DIAPH3: variants seen among roughly 807,000 people sequenced by gnomAD.
DIAPH3 encodes the protein diaphanous related formin 3.
Under a neutral mutation model 144.3 loss-of-function variants are expected in DIAPH3, and 117 were observed. The ratio of observed to expected loss-of-function variants is 0.81; its 90% CI spans 0.70 to 0.95. The LOEUF (loss-of-function observed/expected upper bound fraction) is 0.95, where lower values mean the gene tolerates loss of function less well. DIAPH3 is among the 40% of genes least tolerant of loss of function. The probability of loss-of-function intolerance (pLI) is 0.00; values close to 1 mark genes in which losing one functional copy is unlikely to be tolerated. For synonymous variants in DIAPH3, 519 were observed against 488.9 expected, an observed-to-expected ratio of 1.06 and a Z score of -0.81; for missense variants, 1,421 against 1,412.7, an observed-to-expected ratio of 1.01 and a Z score of -0.09.
intron 27 of DIAPH3, among the ~76,000 whole-genome samples, chr13:59,720,674 GTATGTGCCTGACAGTTATCTA>G (rs754396301): frequency 2.4e-4 from 37 of 152,252 alleles, no homozygotes; most frequent in South Asian, 2.1e-3. Context: ...GCTGTCCTCT[GTATGTGCCTGACAGTTATCTA>G]TAAAACTGAA....
chr13:59,991,059 T>C, intron 12 of DIAPH3, 99 bp downstream of exon 12: 1 of 738,346 alleles, frequency 1.4e-6, no homozygotes, highest in Non-Finnish European at 2.3e-6. Flanking sequence ...ATGACAAAAA[T>C]AAAAATCATT....
chr13:60,045,719 T>C (rs1307202582), intron 4 of DIAPH3, among the ~76,000 whole-genome samples: 1 of 152,210 alleles, frequency 6.6e-6, no homozygotes, highest in Non-Finnish European at 1.5e-5. Context: ...TTGCAGCCCA[T>C]TCTAAATTTA....
At chr13:60,057,089 C>T (rs2056587616) in intron 4 of DIAPH3, among the ~76,000 whole-genome samples, 1 of 151,548 alleles carries the variant, frequency 6.6e-6, no homozygotes, top group South Asian at 2.1e-4. Flanking sequence ...AAATAAAGGG[C>T]ATTAAGAGGA....
intron 20 of DIAPH3, among the ~76,000 whole-genome samples, chr13:59,898,329 T>C (rs1362923138): frequency 1.3e-5 from 2 of 152,084 alleles, no homozygotes; most frequent in African/African-American, 2.4e-5. Flanking sequence ...AATTGAAAGA[T>C]AGTAAGAAAC....
At chr13:59,721,876 C>T (rs1039420304) in intron 27 of DIAPH3, among the ~76,000 whole-genome samples, 1 of 152,150 alleles carries the variant, frequency 6.6e-6, no homozygotes, top group Non-Finnish European at 1.5e-5. Context: ...CAAAACTAAT[C>T]AAGGCAGATA....
chr13:60,125,175 C>T (rs968363230), intron 2 of DIAPH3, among the ~76,000 whole-genome samples: 3 of 152,000 alleles, frequency 2.0e-5, no homozygotes, highest in East Asian at 1.9e-4. Flanking sequence ...CTTAACACAC[C>T]GCTCTTCTAA....
chr13:59,866,422 A>G (rs895651695), intron 21 of DIAPH3, among the ~76,000 whole-genome samples: 1 of 152,076 alleles, frequency 6.6e-6, no homozygotes, highest in African/African-American at 2.4e-5. Flanking sequence ...TATTAACAAA[A>G]TAAACCAAAT....
At chr13:60,019,240 AT>A (rs2053850866) in intron 5 of DIAPH3, among the ~76,000 whole-genome samples, 1 of 152,196 alleles carries the variant, frequency 6.6e-6, no homozygotes, top group Non-Finnish European at 1.5e-5. Context: ...CAACTGATCT[AT>A]AAATGATTAA....
chr13:60,129,471 A>G (rs191099090), intron 2 of DIAPH3, among the ~76,000 whole-genome samples: 3 of 152,328 alleles, frequency 2.0e-5, no homozygotes, highest in Admixed American at 1.3e-4. Context: ...AGTGAAATTC[A>G]ATTCTGATAG....
At chr13:60,118,518 C>T (rs1393737979) in intron 2 of DIAPH3, among the ~76,000 whole-genome samples, 1 of 152,188 alleles carries the variant, frequency 6.6e-6, no homozygotes, top group African/African-American at 2.4e-5. Context: ...AGAATCAATT[C>T]TATCCAAATA....
chr13:60,071,507 G>A (rs966048681), intron 4 of DIAPH3, among the ~76,000 whole-genome samples: 1 of 152,108 alleles, frequency 6.6e-6, no homozygotes, highest in Non-Finnish European at 1.5e-5. Flanking sequence ...CCATTATTCT[G>A]CATTATTATT....
chr13:59,713,525 G>C (rs2034865043), intron 27 of DIAPH3, among the ~76,000 whole-genome samples: 1 of 152,182 alleles, frequency 6.6e-6, no homozygotes, highest in African/African-American at 2.4e-5. Flanking sequence ...TCAAAGGGAA[G>C]TTCTGAACAA....
chr13:59,795,853 T>C (rs576505601), intron 25 of DIAPH3, among the ~76,000 whole-genome samples: 15 of 152,290 alleles, frequency 9.8e-5, no homozygotes, highest in Non-Finnish European at 1.8e-4. Context: ...GCTCAATGTA[T>C]TTTTCTAAGC....
At chr13:60,144,824 T>C (rs1951428163) in intron 1 of DIAPH3, 1 of 152,236 alleles carries the variant, frequency 6.6e-6, no homozygotes, top group Non-Finnish European at 1.5e-5. Flanking sequence ...AGCTTTTAGT[T>C]CCTGGTTCCA....
chr13:60,103,499 G>T (rs556359283), intron 3 of DIAPH3, among the ~76,000 whole-genome samples: 6 of 152,272 alleles, frequency 3.9e-5, no homozygotes, highest in African/African-American at 1.4e-4. Flanking sequence ...AAACACTACA[G>T]ACAGGCAGAG....
chr13:60,026,401 A>G (rs537463309), intron 5 of DIAPH3, among the ~76,000 whole-genome samples: 10 of 152,218 alleles, frequency 6.6e-5, no homozygotes, highest in African/African-American at 2.4e-4. Context: ...TCGTAGTACC[A>G]AAAAAAATTT....
At chr13:59,864,018 T>C (rs759649506) in intron 21 of DIAPH3, among the ~76,000 whole-genome samples, 3 of 152,098 alleles carry the variant, frequency 2.0e-5, no homozygotes, top group Non-Finnish European at 4.4e-5. Context: ...ATAGTGGAAC[T>C]AAGAGTTAGT....
intron 3 of DIAPH3, among the ~76,000 whole-genome samples, chr13:60,098,342 A>G (rs534359436): frequency 3.9e-4 from 60 of 152,248 alleles, no homozygotes; most frequent in African/African-American, 1.3e-3. Context: ...GCCTGGTAGC[A>G]GAAACCAGCC....
In DIAPH3 at chr13:60,163,618, G is replaced by C. The variant is rs757857631; in HGVS notation, c.149C>G (p.Pro50Arg). The change falls in exon 1 of 28, where the codon CCC becomes CGC. Residue 50 changes from proline (P) to arginine (R), a missense_variant. Coordinates refer to ENST00000400324, the MANE Select transcript of DIAPH3 (RefSeq NM_001042517.2). ...GGGGCGCTTCTCCCCAGGCTCCTCG[G>C]GGCCACTGGGCGGCGGAGGGTGTTG... ...GPQHPPPPSG[P>R]EEPGEKRPKF... is the part of the protein sequence containing the mutation. 2.5e-6 allele frequency: 4 copies of C among 1,604,226 alleles called. No homozygotes were observed. The South Asian group carries it at 3.3e-5, about 13-fold the overall frequency.
Sources: allele counts gnomAD v4.1 joint callset (sites outside exome capture counted in the v4.1 genomes callset), GRCh38; gene constraint gnomAD v4.1.1; transcripts MANE v1.5; gene names NCBI Gene and HGNC (gene_info 2026-07-23, HGNC 2026-07-21).